Variants in DPP6 observed in about 807,000 individuals in gnomAD.
DPP6 encodes the protein dipeptidyl peptidase like 6.
Under a neutral mutation model 122.6 loss-of-function variants are expected in DPP6, and 69 were observed. That is an observed-to-expected ratio of 0.56 (90% CI 0.46 to 0.69). The LOEUF is 0.69. DPP6 is among the 30% of genes least tolerant of loss of function. DPP6 has a pLI of 0.00. For synonymous variants in DPP6, 418 were observed against 433.1 expected, an observed-to-expected ratio of 0.97 and a Z score of 0.43; for missense variants, 928 against 1,116.9, an observed-to-expected ratio of 0.83 and a Z score of 2.41.
the DPP6 span, among the ~76,000 whole-genome samples, chr7:153,878,513 G>A: frequency 6.6e-6 from 1 of 152,182 alleles, no homozygotes; most frequent in African/African-American, 2.4e-5. Flanking sequence ...GGGAGACAGA[G>A]TGAAAGAAGC....
intron 8 of DPP6, among the ~76,000 whole-genome samples, chr7:154,756,486 C>A (rs991598454): frequency 6.6e-6 from 1 of 152,216 alleles, no homozygotes; most frequent in African/African-American, 2.4e-5. Flanking sequence ...ATGAGGGCAG[C>A]CTGCTTCTAT....
At chr7:154,283,165 C>T (rs1054120132) in intron 1 of DPP6, among the ~76,000 whole-genome samples, 1 of 152,156 alleles carries the variant, frequency 6.6e-6, no homozygotes, top group Non-Finnish European at 1.5e-5. Context: ...ACCTTCTGAA[C>T]ACTGGGATCC....
At chr7:154,431,441 C>A (rs1586249694) in intron 1 of DPP6, among the ~76,000 whole-genome samples, 2 of 82,766 alleles carry the variant, frequency 2.4e-5, no homozygotes, top group Admixed American at 1.4e-4. Flanking sequence ...GTTTTTCTTT[C>A]CTTTCTTTTC....
At chr7:154,212,215 G>A (rs966983424) in intron 1 of DPP6, among the ~76,000 whole-genome samples, 4 of 152,106 alleles carry the variant, frequency 2.6e-5, no homozygotes, top group African/African-American at 7.2e-5. Flanking sequence ...TATTCCTACA[G>A]CCACATTCCA....
chr7:154,136,498 T>C (rs535188235), intron 1 of DPP6, among the ~76,000 whole-genome samples: 2 of 152,358 alleles, frequency 1.3e-5, no homozygotes, highest in African/African-American at 4.8e-5. Context: ...GCGCGGTGCA[T>C]TTCATTTAGT....
At chr7:153,947,999 C>T (rs901712776) in intron 1 of DPP6, among the ~76,000 whole-genome samples, 1 of 152,174 alleles carries the variant, frequency 6.6e-6, no homozygotes, top group Non-Finnish European at 1.5e-5. Flanking sequence ...CCACATTTCC[C>T]CTTCTCATAA....
At chr7:154,673,869 C>T (rs1838724833) in intron 7 of DPP6, among the ~76,000 whole-genome samples, 1 of 150,912 alleles carries the variant, frequency 6.6e-6, no homozygotes, top group Admixed American at 6.6e-5. Context: ...GAGATTTCCT[C>T]CATGTTTCTT....
intron 7 of DPP6, among the ~76,000 whole-genome samples, chr7:154,711,126 A>G (rs762413603): frequency 2.6e-4 from 40 of 152,256 alleles, no homozygotes; most frequent in Non-Finnish European, 7.3e-5. Context: ...AGCCGCTATA[A>G]TGTGTCAATT....
At chr7:153,928,932 C>T (rs993992355) in intron 1 of DPP6, among the ~76,000 whole-genome samples, 9 of 151,990 alleles carry the variant, frequency 5.9e-5, no homozygotes, top group Admixed American at 5.9e-4. Flanking sequence ...TCTCCCCGCA[C>T]GTCGATTCAG....
At chr7:153,943,919 G>A (rs532592242) in intron 1 of DPP6, among the ~76,000 whole-genome samples, 3 of 152,174 alleles carry the variant, frequency 2.0e-5, no homozygotes, top group East Asian at 3.9e-4. Context: ...ATCCAGCCCC[G>A]GCCTGAAACA....
At chr7:154,469,695 G>T (rs537352060) in intron 2 of DPP6, among the ~76,000 whole-genome samples, 1 of 152,290 alleles carries the variant, frequency 6.6e-6, no homozygotes, top group Admixed American at 6.5e-5. Flanking sequence ...CGAGGAAATA[G>T]GAGTAGCACC....
At chr7:153,848,106 C>T in the DPP6 span, among the ~76,000 whole-genome samples, 22 of 152,314 alleles carry the variant, frequency 1.4e-4, 1 homozygote, top group Admixed American at 9.8e-4. Flanking sequence ...CCGGGCCACT[C>T]AGACATCAAG....
intron 1 of DPP6, among the ~76,000 whole-genome samples, chr7:153,924,414 A>G (rs1043387283): frequency 2.0e-5 from 3 of 152,112 alleles, no homozygotes; most frequent in Non-Finnish European, 4.4e-5. Flanking sequence ...GGCCTCATTG[A>G]GGGTTTTGAG....
At chr7:154,130,118 AAAAAG>A (rs1292209199) in intron 1 of DPP6, among the ~76,000 whole-genome samples, 1 of 152,038 alleles carries the variant, frequency 6.6e-6, no homozygotes, top group Non-Finnish European at 1.5e-5. Flanking sequence ...AAGGAAAGAA[AAAAAG>A]AAAAGAAAAC....
At chr7:154,779,324 A>ACTT (rs1478236955) in intron 10 of DPP6, among the ~76,000 whole-genome samples, 2 of 137,394 alleles carry the variant, frequency 1.5e-5, no homozygotes, top group Non-Finnish European at 3.1e-5. Flanking sequence ...CATCGCCTCC[A>ACTT]CCACCACCAC....
At chr7:154,389,930 T>C (rs1018513873) in intron 1 of DPP6, among the ~76,000 whole-genome samples, 33 of 152,240 alleles carry the variant, frequency 2.2e-4, no homozygotes, top group African/African-American at 8.0e-4. Flanking sequence ...CTTGTAAGAA[T>C]AGCTGTTACT....
chr7:154,830,653 C>G (rs1041192167), intron 16 of DPP6, among the ~76,000 whole-genome samples: 1 of 152,214 alleles, frequency 6.6e-6, no homozygotes, highest in Non-Finnish European at 1.5e-5. Context: ...AGGGCATGAA[C>G]CTGCCTCCTG....
At chr7:154,622,816 T>C (rs879414864) in intron 5 of DPP6, among the ~76,000 whole-genome samples, 3 of 152,220 alleles carry the variant, frequency 2.0e-5, no homozygotes, top group Admixed American at 2.0e-4. Context: ...GCTGTGGGAA[T>C]CTCTCTCAGC....
Position 154,462,272 on chromosome 7 carries a change from T to C in DPP6, c.359-12667T>C, listed in dbSNP as rs531899426. Among the ~76,000 whole-genome samples, 4 of 152,354 alleles carry C rather than the reference T, an allele frequency of 2.6e-5. No homozygotes were observed. In the East Asian group the frequency reaches 7.7e-4, roughly 29 times the overall value. On this transcript the variant is annotated intron_variant, in intron 2 of 25. Coordinates refer to ENST00000377770, the MANE Select transcript of DPP6 (RefSeq NM_130797.4). The stretch of plus-strand genomic sequence containing the variant: ...TGTTTGGATTACTATAGTTCTGTAG[T>C]ATAATTTGAAGTCAGATAATATGAT...
Sources: allele counts gnomAD v4.1 joint callset (sites outside exome capture counted in the v4.1 genomes callset), GRCh38; gene constraint gnomAD v4.1.1; transcripts MANE v1.5; gene names NCBI Gene and HGNC (gene_info 2026-07-23, HGNC 2026-07-21).